COL14A1: variants seen among roughly 807,000 people sequenced by gnomAD.
The protein encoded by COL14A1 is collagen alpha-1(XIV) chain.
In COL14A1, 136 loss-of-function variants were observed where a neutral mutation model predicts 230.3. That is an observed-to-expected ratio of 0.59 (90% confidence interval 0.51 to 0.68). COL14A1 has a LOEUF of 0.68. Ranked by LOEUF, COL14A1 falls within the 30% of genes least tolerant of loss-of-function variation. The probability of loss-of-function intolerance (pLI) is 0.00; values close to 1 mark genes in which losing one functional copy is unlikely to be tolerated. For synonymous variants in COL14A1, 792 were observed against 784.1 expected (o/e 1.01, Z -0.17); for missense variants, 1,976 against 2,215.8 (o/e 0.89, Z 2.17).
intron 2 of COL14A1, among the ~76,000 whole-genome samples, chr8:120,152,469 C>CAAAAAAAAAAAA (rs397891260): frequency 3.4e-5 from 2 of 59,598 alleles, no homozygotes; most frequent in Non-Finnish European, 5.8e-5. Flanking sequence ...GATTCCATCT[C>CAAAAAAAAAAAA]AAAAAAAAAA....
chr8:120,187,704 G>A (rs540800716), intron 5 of COL14A1, among the ~76,000 whole-genome samples: 30 of 152,312 alleles, frequency 2.0e-4, no homozygotes, highest in African/African-American at 6.5e-4. Context: ...GCATTTATTT[G>A]GGATGGAAAA....
At chr8:120,172,574 G>T (rs772275839) in intron 5 of COL14A1, among the ~76,000 whole-genome samples, 1 of 152,098 alleles carries the variant, frequency 6.6e-6, no homozygotes, top group African/African-American at 2.4e-5. Flanking sequence ...TTAAGGGTGT[G>T]CTCCTTCAGA....
chr8:120,370,931 T>G (rs541311018), intron 47 of COL14A1: 1 of 1,152,332 alleles, frequency 8.7e-7, no homozygotes, highest in African/African-American at 1.6e-5. Context: ...TTGGTTATGA[T>G]TCTAGTTTTC....
chr8:120,214,913 A>G (rs988060646), intron 13 of COL14A1, among the ~76,000 whole-genome samples: 34 of 152,212 alleles, frequency 2.2e-4, no homozygotes, highest in Non-Finnish European at 3.1e-4. Context: ...GGCTATGCGT[A>G]TATCTAGGGG....
chr8:120,196,679 C>T (rs1270300920), intron 5 of COL14A1, 112 bp from the exon 6 acceptor site: 17 of 1,053,582 alleles, frequency 1.6e-5, no homozygotes, highest in South Asian at 9.3e-5. Context: ...GCTGCTCCTA[C>T]GGGAACTCTT....
At position 120,231,392 on chromosome 8, in the gene COL14A1, A is replaced by G. The variant is rs545752250; in HGVS notation, c.2198-75A>G. On this transcript the variant is annotated intron_variant, in intron 18 of 47. Transcript: ENST00000297848. ...ATTAAATGATGCTTGCTGTCACCCC[A>G]CAGGTATTCTCTGTGGCTCATTTTG... 1.0e-4 allele frequency: 155 copies of G among 1,486,966 alleles called. 1 individual carries two copies. In the African/African-American group the frequency reaches 2.1e-3, roughly 20 times the overall value. The allele number at this position is 1,486,966 out of a possible 1,614,324, so 92.1% of individuals were successfully genotyped here.
intron 47 of COL14A1, chr8:120,370,403 G>C (rs1024539762): frequency 2.7e-5 from 43 of 1,608,562 alleles, no homozygotes; most frequent in Non-Finnish European, 3.6e-5. Flanking sequence ...ATTGGCCCCA[G>C]ACATTTAGCT....
At chr8:120,154,704 G>T (rs926862479) in intron 2 of COL14A1, among the ~76,000 whole-genome samples, 3 of 152,026 alleles carry the variant, frequency 2.0e-5, no homozygotes, top group Non-Finnish European at 4.4e-5. Context: ...TTTTTTAAAA[G>T]ATTAGGATTT....
intron 19 of COL14A1, among the ~76,000 whole-genome samples, chr8:120,242,839 T>A (rs1818645766): frequency 6.6e-6 from 1 of 152,256 alleles, no homozygotes; most frequent in South Asian, 2.1e-4. Flanking sequence ...CAGCTGCTTC[T>A]GGGTTCAACT....
At chr8:120,298,664 G>C (rs1463285289) in intron 35 of COL14A1, among the ~76,000 whole-genome samples, 1 of 101,568 alleles carries the variant, frequency 9.8e-6, no homozygotes, top group Non-Finnish European at 1.9e-5. Flanking sequence ...TATATCTTAG[G>C]ATCCTAGGAC....
At chr8:120,138,393 C>T (rs1224564672) in intron 1 of COL14A1, among the ~76,000 whole-genome samples, 1 of 152,136 alleles carries the variant, frequency 6.6e-6, no homozygotes, top group African/African-American at 2.4e-5. Context: ...CCCCCTGCCC[C>T]CACATTGTGT....
At chr8:120,263,617 A>G (rs1819410385) in intron 24 of COL14A1, among the ~76,000 whole-genome samples, 2 of 152,226 alleles carry the variant, frequency 1.3e-5, no homozygotes, top group Admixed American at 1.3e-4. Flanking sequence ...CCGGCTCCAC[A>G]AACATTAAAA....
intron 9 of COL14A1, 100 bp from the exon 10 acceptor site, chr8:120,206,843 C>A: frequency 8.7e-7 from 1 of 1,155,900 alleles, no homozygotes; most frequent in Non-Finnish European, 1.2e-6. Context: ...ATCTTAGAGG[C>A]AGCATAAAAT....
At chr8:120,317,699 A>T (rs1298172607) in intron 40 of COL14A1, among the ~76,000 whole-genome samples, 1 of 152,196 alleles carries the variant, frequency 6.6e-6, no homozygotes, top group Non-Finnish European at 1.5e-5. Flanking sequence ...ATGTTGAATT[A>T]GTGTTTGAAT....
In COL14A1 at chr8:120,308,646, G is replaced by C. The variant is rs866018909; in HGVS notation, c.4402-1363G>C. Among the ~76,000 whole-genome samples, 8 of 152,248 alleles carry C rather than the reference G, an allele frequency of 5.3e-5. No homozygotes were observed. In the South Asian group the frequency reaches 1.2e-3, roughly 24 times the overall value. On this transcript the variant is annotated intron_variant, in intron 36 of 47. Transcript: ENST00000297848. ...ATAAAAAGGAAGAGTGCATGTAAAT[G>C]GTTTTTTAAAAAGCTGAGGAAATTT...
chr8:120,161,884 CA>C (rs1468943447), intron 3 of COL14A1, among the ~76,000 whole-genome samples: 9 of 152,168 alleles, frequency 5.9e-5, no homozygotes, highest in African/African-American at 2.2e-4. Flanking sequence ...AGGCTGGTTT[CA>C]AACCCCTGAC....
intron 2 of COL14A1, among the ~76,000 whole-genome samples, chr8:120,148,149 T>C (rs1815159012): frequency 6.7e-6 from 1 of 149,786 alleles, no homozygotes; most frequent in Non-Finnish European, 1.5e-5. Context: ...TCATTCTTTT[T>C]TTTTTTTTTT....
intron 40 of COL14A1, among the ~76,000 whole-genome samples, chr8:120,331,915 G>A (rs1007106775): frequency 2.0e-5 from 3 of 152,174 alleles, no homozygotes; most frequent in African/African-American, 7.2e-5. Flanking sequence ...TTTGTAAGTG[G>A]CATTTCTTAC....
chr8:120,165,337 A>G (rs1037877162), intron 4 of COL14A1, among the ~76,000 whole-genome samples: 4 of 152,212 alleles, frequency 2.6e-5, no homozygotes, highest in Admixed American at 1.3e-4. Flanking sequence ...TGCATTCTTT[A>G]TGAGTTCATA....
Sources: allele counts gnomAD v4.1 joint callset (sites outside exome capture counted in the v4.1 genomes callset), GRCh38; gene constraint gnomAD v4.1.1; transcripts MANE v1.5; gene names NCBI Gene and HGNC (gene_info 2026-07-23, HGNC 2026-07-21).